Variants in UBE2K observed in about 807,000 individuals in gnomAD.
UBE2K encodes the protein ubiquitin conjugating enzyme E2 K, also known as ubiquitin-conjugating enzyme E2 K.
A neutral mutation model predicts 30.0 loss-of-function variants in UBE2K; 6 were observed. That is an observed-to-expected ratio of 0.20 (90% CI 0.11 to 0.39). The LOEUF (loss-of-function observed/expected upper bound fraction) is 0.39. UBE2K is among the 10% of genes least tolerant of loss of function. UBE2K has a pLI of 1.00. For missense variants in UBE2K, 61 were observed against 241.6 expected (o/e 0.25, Z 4.96); for synonymous variants, 86 against 83.7 (o/e 1.03, Z -0.15).
At chr4:39,770,716 G>A in intron 4 of UBE2K, 1 of 1,574,114 alleles carries the variant, frequency 6.4e-7, no homozygotes, top group East Asian at 2.2e-5. Context: ...AGCTCCCCAA[G>A]GTGGCCACCC....
chr4:39,752,819 C>T (rs895597994), intron 3 of UBE2K, among the ~76,000 whole-genome samples: 38 of 151,782 alleles, frequency 2.5e-4, no homozygotes, highest in Admixed American at 1.3e-4. Flanking sequence ...AGAAAATGCT[C>T]GTTGGAGCAT....
chr4:39,732,291 A>G (rs539712236), intron 1 of UBE2K, among the ~76,000 whole-genome samples: 34 of 152,214 alleles, frequency 2.2e-4, no homozygotes, highest in Non-Finnish European at 3.2e-4. Flanking sequence ...TAAAAAGGTT[A>G]AACAACAATA....
chr4:39,770,480 T>G, intron 4 of UBE2K: 1 of 1,610,842 alleles, frequency 6.2e-7, no homozygotes, highest in Non-Finnish European at 8.5e-7. Flanking sequence ...TTAAGGGGTT[T>G]CCACCTGAGA....
intron 1 of UBE2K, among the ~76,000 whole-genome samples, chr4:39,708,374 C>G (rs1373850297): frequency 2.6e-5 from 4 of 152,016 alleles, no homozygotes; most frequent in African/African-American, 4.8e-5. Context: ...TAACTTTCTT[C>G]ATGGTTACCT....
intron 4 of UBE2K, chr4:39,761,371 G>A (rs1711933890): frequency 6.6e-6 from 1 of 152,176 alleles, no homozygotes; most frequent in Non-Finnish European, 1.5e-5. Context: ...AATGAACGTG[G>A]TTTAATTATT....
intron 1 of UBE2K, among the ~76,000 whole-genome samples, chr4:39,713,286 A>ATTTT (rs56104487): frequency 4.8e-5 from 4 of 83,582 alleles, no homozygotes; most frequent in East Asian, 4.5e-4. Context: ...TCTGTAGGAA[A>ATTTT]TTTTTTTTTT....
chr4:39,699,001 G>A (rs570112376), intron 1 of UBE2K, among the ~76,000 whole-genome samples: 2 of 152,226 alleles, frequency 1.3e-5, no homozygotes, highest in Admixed American at 6.5e-5. Flanking sequence ...CAGGGGTAAG[G>A]GAATTTTCAC....
intron 1 of UBE2K, among the ~76,000 whole-genome samples, chr4:39,710,769 T>C (rs533626973): frequency 7.9e-5 from 12 of 152,248 alleles, no homozygotes; most frequent in African/African-American, 2.9e-4. Context: ...TATCTGCTGC[T>C]TGCTCCCTAC....
At chr4:39,760,355 A>C (rs958425726) in intron 4 of UBE2K, among the ~76,000 whole-genome samples, 1 of 152,112 alleles carries the variant, frequency 6.6e-6, no homozygotes, top group African/African-American at 2.4e-5. Context: ...ACATGTATAA[A>C]AGAATATTTA....
At chr4:39,766,577 G>C (rs888437822) in intron 4 of UBE2K, among the ~76,000 whole-genome samples, 3 of 151,690 alleles carry the variant, frequency 2.0e-5, no homozygotes, top group African/African-American at 4.8e-5. Context: ...CTGCAACACA[G>C]AAGTTTTTTT....
intron 1 of UBE2K, chr4:39,714,550 A>ATATATATATATATATATTTTTTTTTTT: frequency 5.6e-5 from 1 of 17,854 alleles, no homozygotes. Context: ...ATATATATAT[A>ATATATATATATATATATTTTTTTTTTT]TTTTTTTTTT....
intron 3 of UBE2K, among the ~76,000 whole-genome samples, chr4:39,750,587 T>C (rs551812839): frequency 1.3e-5 from 2 of 152,236 alleles, no homozygotes; most frequent in East Asian, 3.9e-4. Flanking sequence ...AGATACAGGG[T>C]CTTGCTACAT....
chr4:39,701,607 G>C (rs1718015682), intron 1 of UBE2K, among the ~76,000 whole-genome samples: 1 of 152,102 alleles, frequency 6.6e-6, no homozygotes, highest in South Asian at 2.1e-4. Flanking sequence ...ACTTGCTAAG[G>C]ATAGGCATGC....
In UBE2K at chr4:39,746,881, T is replaced by C. The variant is rs767324340; in HGVS notation, c.216+1071T>C. Among the ~76,000 whole-genome samples the C allele has an allele frequency of 2.6e-5, 4 of 152,228 alleles. No homozygotes were observed. The South Asian group carries it at 6.2e-4, about 24-fold the overall frequency. On this transcript the variant is annotated intron_variant, in intron 3 of 6. Coordinates refer to ENST00000261427, the MANE Select transcript of UBE2K (RefSeq NM_005339.5). ...AATTTATATAGTGGCAACACAAATA[T>C]AGTTCCAACTCATGTATTATTTTGG...
At position 39,729,600 on chromosome 4, in the gene UBE2K, G is replaced by A. The variant is rs770839498; in HGVS notation, c.64-7820G>A. Among the ~76,000 whole-genome samples, 15 of 152,114 alleles carry A rather than the reference G, an allele frequency of 9.9e-5. No individual in the cohort carries two copies. The South Asian group carries it at 1.2e-3, about 13-fold the overall frequency. ...TTGGCATCTCTCACTGGTTTCCTAAGTATTCTCTCTAATCCCCCTCCAGCC... is the reference window on the plus strand; with the variant it reads ...TTGGCATCTCTCACTGGTTTCCTAAATATTCTCTCTAATCCCCCTCCAGCC... On this transcript the variant is annotated intron_variant, in intron 1 of 6. Transcript: ENST00000261427.
At chr4:39,699,048 C>G (rs1717862748) in intron 1 of UBE2K, among the ~76,000 whole-genome samples, 1 of 152,188 alleles carries the variant, frequency 6.6e-6, no homozygotes, top group South Asian at 2.1e-4. Context: ...AGATAATTAT[C>G]TCTTTTCCAC....
intron 1 of UBE2K, among the ~76,000 whole-genome samples, chr4:39,726,391 T>C (rs1437039770): frequency 6.6e-6 from 1 of 152,050 alleles, no homozygotes; most frequent in African/African-American, 2.4e-5. Flanking sequence ...GCTTTTTCTT[T>C]TTCTTTTTTG....
chr4:39,705,366 A>G (rs1718289245), intron 1 of UBE2K, among the ~76,000 whole-genome samples: 2 of 136,534 alleles, frequency 1.5e-5, no homozygotes. Flanking sequence ...CCCAGCTAAT[A>G]TTTTGTATTG....
intron 4 of UBE2K, among the ~76,000 whole-genome samples, chr4:39,760,018 A>C (rs1046703139): frequency 2.6e-5 from 4 of 151,886 alleles, no homozygotes; most frequent in Non-Finnish European, 5.9e-5. Context: ...TCTACTAAAA[A>C]TACAAAAATT....
Sources: gnomAD v4.1 joint callset for allele counts (sites outside exome capture counted in the v4.1 genomes callset) on GRCh38, gnomAD v4.1.1 for gene constraint, MANE v1.5 for transcripts, NCBI Gene and HGNC (gene_info 2026-07-23, HGNC 2026-07-21) for gene names.